The following CEACAM5 variants were observed in gnomAD, a reference collection of about 807,000 sequenced individuals.
The protein encoded by CEACAM5 is cell adhesion molecule CEACAM5.
CEACAM5 carries 52 observed loss-of-function variants against 63.0 expected under a neutral mutation model. That is an observed-to-expected ratio of 0.83 (90% CI 0.66 to 1.04). CEACAM5 has a LOEUF of 1.04. Among genes scored for constraint, CEACAM5 ranks in the 50% least tolerant of loss-of-function variants. The probability of loss-of-function intolerance (pLI) is 0.00; values close to 1 mark genes in which losing one functional copy is unlikely to be tolerated. For synonymous variants in CEACAM5, 357 were observed against 351.3 expected (o/e 1.02, Z -0.18); for missense variants, 790 against 864.8 (o/e 0.91, Z 1.08).
rs781854363 is a variant in CEACAM5, at chr19:41,720,967, T to C, written c.1817T>C (p.Leu606Pro). Residue 606 changes from leucine to proline, a missense_variant, in exon 8 of 10, where the codon CTT (leucine) becomes CCT (proline). Physicochemically the swap from Leu to Pro is moderately conservative, Grantham distance 98 (BLOSUM62 -3). Transcript: ENST00000221992. ...PIISPPDSSY[L>P]SGANLNLSCH... Reference sequence around the variant, plus strand: ...ATTTCCCCCCCAGACTCGTCTTACCTTTCGGGAGCGAACCTCAACCTCTCC... The same window carrying C: ...ATTTCCCCCCCAGACTCGTCTTACCCTTCGGGAGCGAACCTCAACCTCTCC... The C allele has an allele frequency of 7.4e-6, 12 of 1,614,018 alleles. No individual in the cohort carries two copies. The highest frequency in any genetic ancestry group is 7.6e-6 in the Non-Finnish European group (9 of 1,179,982).
chr19:41,711,220 G>C (rs2072430322), intron 2 of CEACAM5, among the ~76,000 whole-genome samples: 1 of 152,138 alleles, frequency 6.6e-6, no homozygotes. Flanking sequence ...TCAACAGTCA[G>C]GGTCAGTGCC....
chr19:41,716,328 A>C (rs1181454299), intron 4 of CEACAM5, among the ~76,000 whole-genome samples: 11 of 152,228 alleles, frequency 7.2e-5, no homozygotes, highest in African/African-American at 2.7e-4. Flanking sequence ...CCCAAATGAG[A>C]GAAGGAAGCC....
chr19:41,715,966 C>G lies in CEACAM5; in HGVS notation c.958+62C>G, dbSNP rs896312566. The G allele has an allele frequency of 1.5e-5, 23 of 1,570,040 alleles. No individual in the cohort carries two copies. In the African/African-American group the frequency reaches 3.0e-4, roughly 20 times the overall value. On this transcript the variant is annotated intron_variant, in intron 4 of 9. Coordinates refer to ENST00000221992, the MANE Select transcript of CEACAM5 (RefSeq NM_004363.6). ...AGGTGGAGTCTGTCTGGTTTTCAAA[C>G]AAGAGCCAGGAAGACATTTTCTATC... is the stretch of plus-strand genomic sequence containing the variant.
At chr19:41,724,595 T>C (rs1241955691) in intron 8 of CEACAM5, among the ~76,000 whole-genome samples, 1 of 152,012 alleles carries the variant, frequency 6.6e-6, no homozygotes, top group African/African-American at 2.4e-5. Flanking sequence ...TTCCCATCCA[T>C]GAAAAAAAAA....
intron 2 of CEACAM5, among the ~76,000 whole-genome samples, chr19:41,714,108 G>A (rs10153472): frequency 0.023 from 3,510 of 152,096 alleles, 130 homozygotes; most frequent in African/African-American, 0.079. Flanking sequence ...CCAGCTACTC[G>A]GGAGGCTGAG....
Position 41,730,200 on chromosome 19 carries a change from C to A in CEACAM5, c.*1053C>A, listed in dbSNP as rs2072751867. 2.6e-5 allele frequency among the ~76,000 whole-genome samples: 4 copies of A among 152,102 alleles called. No individual in the cohort carries two copies. In the South Asian group the frequency reaches 8.3e-4, roughly 32 times the overall value. On this transcript the variant is annotated 3_prime_UTR_variant, in exon 10 of 10. Transcript: ENST00000221992. ...CTTTGATCCGCCGAGGCGGGCGGAT[C>A]ACGAGGTCAGGAGATCCAGACCATC... is the stretch of plus-strand genomic sequence containing the variant.
chr19:41,710,093 A>C, intron 2 of CEACAM5, 54 bp downstream of exon 2: 1 of 1,572,762 alleles, frequency 6.4e-7, no homozygotes, highest in Non-Finnish European at 8.6e-7. Context: ...TACTTCCCAC[A>C]CACAGGATTA....
chr19:41,725,396 C>T (rs1157547009), intron 8 of CEACAM5, among the ~76,000 whole-genome samples: 1 of 148,834 alleles, frequency 6.7e-6, no homozygotes, highest in East Asian at 2.0e-4. Context: ...GACAGGGTCT[C>T]ACTCTGTAGC....
In CEACAM5 at chr19:41,720,191, T is replaced by C. The variant is rs1555815902; in HGVS notation, c.1754T>C (p.Val585Ala). ...GTGAGTGCAAACCGCAGTGACCCAG[T>C]CACCCTGGATGTCCTCTGTGAGTAT... ...NSVSANRSDP[V>A]TLDVLYGPDT... is the part of the protein sequence containing the mutation. The change falls in exon 7 of 10, where the codon GTC becomes GCC. Residue 585 changes from valine to alanine, a missense_variant. Coordinates refer to ENST00000221992, the MANE Select transcript of CEACAM5 (RefSeq NM_004363.6). 2 of 1,614,122 alleles carry C rather than the reference T, an allele frequency of 1.2e-6. No homozygotes were observed. The highest frequency in any genetic ancestry group is 3.3e-5 in the Admixed American group (2 of 60,030).
At chr19:41,722,783 A>G (rs1555816458) in intron 8 of CEACAM5, among the ~76,000 whole-genome samples, 1 of 152,250 alleles carries the variant, frequency 6.6e-6, no homozygotes, top group East Asian at 1.9e-4. Flanking sequence ...TATTGTGAGT[A>G]ATGCTGCTGT....
chr19:41,714,709 C>T (rs550789346), intron 2 of CEACAM5, among the ~76,000 whole-genome samples: 14 of 152,050 alleles, frequency 9.2e-5, no homozygotes, highest in Admixed American at 6.5e-4. Flanking sequence ...ACCTCCCCCC[C>T]AGTCCTGTGT....
chr19:41,728,569 C>T (rs953543343), intron 9 of CEACAM5, among the ~76,000 whole-genome samples: 31 of 152,068 alleles, frequency 2.0e-4, no homozygotes, highest in Middle Eastern at 6.8e-3. Context: ...CCAAGGCGGA[C>T]GGATCAGGAG....
intron 8 of CEACAM5, among the ~76,000 whole-genome samples, chr19:41,724,812 AT>A (rs1196931752): frequency 2.0e-5 from 3 of 152,162 alleles, no homozygotes; most frequent in African/African-American, 7.2e-5. Flanking sequence ...TTGCGTGTTG[AT>A]TTTGTATCCT....
At chr19:41,712,997 A>G (rs1555814303) in intron 2 of CEACAM5, among the ~76,000 whole-genome samples, 1 of 152,212 alleles carries the variant, frequency 6.6e-6, no homozygotes, top group Non-Finnish European at 1.5e-5. Flanking sequence ...GACCACTGAC[A>G]TGATTCTCAA....
chr19:41,715,562 T>C (rs1600462005), intron 3 of CEACAM5, 88 bp from the exon 4 acceptor site: 3 of 1,525,730 alleles, frequency 2.0e-6, no homozygotes, highest in Non-Finnish European at 9.0e-7. Flanking sequence ...GTGATTCAGC[T>C]TAGAGGGACA....
intron 9 of CEACAM5, among the ~76,000 whole-genome samples, chr19:41,728,702 G>A (rs1478774736): frequency 4.6e-5 from 7 of 151,174 alleles, no homozygotes; most frequent in South Asian, 4.2e-4. Flanking sequence ...CAGGAGAATC[G>A]CTTGAACCCG....
At chr19:41,716,074 C>G (rs2072522914) in intron 4 of CEACAM5, among the ~76,000 whole-genome samples, 170 bp downstream of exon 4, 1 of 152,170 alleles carries the variant, frequency 6.6e-6, no homozygotes, top group African/African-American at 2.4e-5. Context: ...CTCTTTTCTT[C>G]TTGTTCTGAT....
In CEACAM5 at chr19:41,710,047, A is replaced by T; in HGVS notation, c.424+8A>T. The T allele has an allele frequency of 6.3e-7, 1 of 1,590,034 alleles. No homozygotes were observed. Among genetic ancestry groups the T allele is most frequent in the Non-Finnish European group, 8.6e-7 (1 of 1,168,032 alleles). On this transcript the variant is annotated splice_region_variant and intron_variant, in intron 2 of 9. Transcript: ENST00000221992. Reference sequence around the variant, plus strand: ...GCCAGTTCCGGGTATACCGTGAGTGATTCCCCCATGACCTCTGGGTGTTGG... The same window carrying T: ...GCCAGTTCCGGGTATACCGTGAGTGTTTCCCCCATGACCTCTGGGTGTTGG...
intron 7 of CEACAM5, among the ~76,000 whole-genome samples, chr19:41,720,500 CTTTTTTTTTTTT>C (rs10713199): frequency 2.1e-5 from 2 of 96,052 alleles, no homozygotes; most frequent in East Asian, 3.2e-4. Flanking sequence ...ATGGTTTGGA[CTTTTTTTTTTTT>C]TTTTTTTTTT....
Sources: gnomAD v4.1 joint callset for allele counts (sites outside exome capture counted in the v4.1 genomes callset) on GRCh38, gnomAD v4.1.1 for gene constraint, MANE v1.5 for transcripts, NCBI Gene and HGNC (gene_info 2026-07-23, HGNC 2026-07-21) for gene names.